MLLT6: variants seen among roughly 807,000 people sequenced by gnomAD.
MLLT6 encodes protein AF-17.
Under a neutral mutation model 103.0 loss-of-function variants are expected in MLLT6, and 22 were observed. That is an observed-to-expected ratio of 0.21 (90% confidence interval 0.15 to 0.31). MLLT6 has a LOEUF of 0.31. Among genes scored for constraint, MLLT6 ranks in the 10% least tolerant of loss-of-function variants. The pLI is 1.00. For synonymous variants in MLLT6, 606 were observed against 623.5 expected, an observed-to-expected ratio of 0.97 and a Z score of 0.42; for missense variants, 1,199 against 1,441.7, an observed-to-expected ratio of 0.83 and a Z score of 2.73.
Position 38,717,842 on chromosome 17 carries a change from T to C in MLLT6, c.1834-3T>C, listed in dbSNP as rs201263937. ...GCCAGGGGATTCTACCTCCCTCCCT[T>C]AGGTGTTTTCTCTGGCTGGCTCTAC... On this transcript the variant is annotated splice_region_variant and splice_polypyrimidine_tract_variant and intron_variant, in intron 11 of 19. Transcript: ENST00000621332. The C allele has an allele frequency of 6.2e-6, 10 of 1,605,480 alleles. No homozygotes were observed. Among genetic ancestry groups the C allele is most frequent in the Admixed American group, 5.0e-5 (3 of 59,968 alleles).
Position 38,707,101 on chromosome 17 carries a change from G to T in MLLT6, c.189+72G>T, listed in dbSNP as rs1432971153. 6.7e-6 allele frequency: 9 copies of T among 1,352,112 alleles called. No individual in the cohort carries two copies. Among genetic ancestry groups the T allele is most frequent in the Non-Finnish European group, 8.3e-6 (8 of 968,502 alleles). The allele number at this position is 1,352,112 out of a possible 1,614,324, so 83.8% of individuals were successfully genotyped here. A position where few individuals can be genotyped will look rare whatever the true frequency, so the allele number is the denominator to read the frequency against. ...CCTGAGCGTCTCAGGTTGAGCTAGG[G>T]GACTCTGAGGCCGAGGCTAGGGTGG... On this transcript the variant is annotated intron_variant, in intron 2 of 19. Coordinates refer to ENST00000621332, the MANE Select transcript of MLLT6 (RefSeq NM_005937.4).
In MLLT6 at chr17:38,725,613, C is replaced by G; in HGVS notation, c.*15C>G. 1 of 1,574,258 alleles carries G rather than the reference C, an allele frequency of 6.4e-7. No individual in the cohort carries two copies. Among genetic ancestry groups the G allele is most frequent in the Non-Finnish European group, 8.6e-7 (1 of 1,166,232 alleles). On this transcript the variant is annotated 3_prime_UTR_variant, in exon 20 of 20. Transcript: ENST00000621332. ...AAAAAGGCTAAATCCACCCTTACCC[C>G]TCCTGACCCCCCCAAGTGGAGGGAA...
chr17:38,706,139 T>C (rs1054954155), intron 1 of MLLT6: 2 of 152,378 alleles, frequency 1.3e-5, no homozygotes, highest in African/African-American at 4.8e-5. Flanking sequence ...CCCCCTCGCT[T>C]CCGGATAATG....
Position 38,717,900 on chromosome 17 carries a change from C to T in MLLT6, c.1889C>T (p.Thr630Ile). 6.2e-7 allele frequency: 1 copy of T among 1,614,026 alleles called. No homozygotes were observed. The highest frequency in any genetic ancestry group is 1.1e-5 in the South Asian group (1 of 91,078). ...CTCCCTTCTACCCACATCTTTGGAA[C>T]CCCCATGGGTGCCGTTAATCCCCTC... The part of the protein sequence containing the change: ...FSLPSTHIFG[T>I]PMGAVNPLLS... Residue 630 changes from threonine to isoleucine, a missense_variant, in exon 12 of 20, where the codon ACC becomes ATC. Thr to Ile is a moderately conservative substitution (Grantham distance 89, BLOSUM62 -1). Coordinates refer to ENST00000621332, the MANE Select transcript of MLLT6 (RefSeq NM_005937.4).
Position 38,709,187 on chromosome 17 carries a change from C to T in MLLT6, c.369C>T (p.Cys123=), listed in dbSNP as rs1156858391. The T allele has an allele frequency of 1.1e-5, 18 of 1,610,994 alleles. No homozygotes were observed. The Admixed American group carries it at 1.4e-4, about 12-fold the overall frequency. Residue 123 remains cysteine (C), a synonymous_variant, in exon 5 of 20, where the codon TGC becomes TGT. Transcript: ENST00000621332. This position sits in a 1 kb window ranked among gnomAD's most constrained non-coding sequence, Gnocchi z 4.3. ...GTGTCCTGCAGACCTGTTACATCTG[C>T]GAGGAGCAGGGCCGGGAGAGCAAGG... ...HDRFNKTCYI[C]EEQGRESKAA... is the part of the protein sequence containing the mutation.
intron 9 of MLLT6, 164 bp downstream of exon 9, chr17:38,715,992 T>C (rs1466525206): frequency 1.5e-6 from 1 of 684,840 alleles, no homozygotes; most frequent in Admixed American, 2.9e-5. Flanking sequence ...CCCCAAACCC[T>C]TCCTTCTTGA....
At chr17:38,708,225 C>A in intron 4 of MLLT6, 1 of 262,332 alleles carries the variant, frequency 3.8e-6, no homozygotes. Context: ...GTGTGCTGCC[C>A]GCTCAATGGA....
rs1906121813 is a variant in MLLT6, at chr17:38,727,922, G to GT, written c.*2325dup. 1 of 233,174 alleles carries GT rather than the reference G, an allele frequency of 4.3e-6. No homozygotes were observed. Among genetic ancestry groups the GT allele is most frequent in the African/African-American group, 2.2e-5 (1 of 45,348 alleles). The allele number at this position is 233,174 out of a possible 1,614,324, so 14.4% of individuals were successfully genotyped here. Reference sequence around the variant, plus strand: ...AACTTTTGTCTGGATGGGAAGAGAAGTAAGTCTACCCCGAGGTTGCCATGT... The same window carrying GT: ...AACTTTTGTCTGGATGGGAAGAGAAGTTAAGTCTACCCCGAGGTTGCCATGT... On this transcript the variant is annotated 3_prime_UTR_variant, in exon 20 of 20. Coordinates refer to ENST00000621332, the MANE Select transcript of MLLT6 (RefSeq NM_005937.4).
chr17:38,725,250 T>C lies in MLLT6; in HGVS notation c.3240+274T>C. ...GACCAATTAGAAAAAGCCATTTTGT[T>C]TCTCATCCGACCAATTAGAAAAAGA... is the stretch of plus-strand genomic sequence containing the variant. On this transcript the variant is annotated intron_variant, in intron 19 of 19. Transcript: ENST00000621332. The C allele has an allele frequency of 5.6e-6, 3 of 531,820 alleles. No homozygotes were observed. In the Admixed American group the frequency reaches 1.1e-4, roughly 20 times the overall value. The allele number at this position is 531,820 out of a possible 1,614,324, so 32.9% of individuals were successfully genotyped here. A position where few individuals can be genotyped will look rare whatever the true frequency, so the allele number is the denominator to read the frequency against.
chr17:38,726,926 C>T lies in MLLT6; in HGVS notation c.*1328C>T. On this transcript the variant is annotated 3_prime_UTR_variant, in exon 20 of 20. Coordinates refer to ENST00000621332, the MANE Select transcript of MLLT6 (RefSeq NM_005937.4). ...GGGCAATTCTCACCTTCAAAGAGTCCCCGCCTGCCCAGGCCTTTGGCACAG... is the reference window on the plus strand; with the variant it reads ...GGGCAATTCTCACCTTCAAAGAGTCTCCGCCTGCCCAGGCCTTTGGCACAG... 1 of 233,794 alleles carries T rather than the reference C, an allele frequency of 4.3e-6. No homozygotes were observed. The highest frequency in any genetic ancestry group is 6.0e-5 in the East Asian group (1 of 16,590). The allele number at this position is 233,794 out of a possible 1,614,324, so 14.5% of individuals were successfully genotyped here. A position where few individuals can be genotyped will look rare whatever the true frequency, so the allele number is the denominator to read the frequency against.
rs1029520596 is a variant in MLLT6, at chr17:38,716,061, T to C, written c.1036+233T>C. 7 of 605,018 alleles carry C rather than the reference T, an allele frequency of 1.2e-5. No homozygotes were observed. The highest frequency in any genetic ancestry group is 3.7e-5 in the African/African-American group (2 of 54,016). 37.5% of individuals were successfully genotyped at this position (605,018 alleles called of 1,614,324 possible). A position where few individuals can be genotyped will look rare whatever the true frequency, so the allele number is the denominator to read the frequency against. The stretch of plus-strand genomic sequence containing the variant: ...CCACCAACCTCATAACAGTATTCCT[T>C]ATCCCCTACATTTGTGCTGCAAGGT... On this transcript the variant is annotated intron_variant, in intron 9 of 19. Transcript: ENST00000621332. The surrounding 1 kb of genome is among the most constrained non-coding windows in gnomAD (Gnocchi z 5.6).
intron 16 of MLLT6, chr17:38,721,026 G>C: frequency 1.9e-6 from 1 of 539,432 alleles, no homozygotes; most frequent in Non-Finnish European, 3.3e-6. Context: ...AGATATGTTA[G>C]TGTGGAGAGA....
chr17:38,720,290 T>G (rs1905640258), intron 14 of MLLT6, 82 bp from the exon 15 acceptor site: 1 of 1,309,698 alleles, frequency 7.6e-7, no homozygotes, highest in East Asian at 2.5e-5. Flanking sequence ...GAGCACTGGC[T>G]CCCCTCCAGG....
rs867583887 is a variant in MLLT6 at position 38,716,130 on chromosome 17, C to A, written c.1037-237C>A. ...CCATTAACATTTTCTCCTATAATCGCTACAGTCATCTGGTGAGGCCAGTAG... is the reference window on the plus strand; with the variant it reads ...CCATTAACATTTTCTCCTATAATCGATACAGTCATCTGGTGAGGCCAGTAG... On this transcript the variant is annotated intron_variant, in intron 9 of 19. Transcript: ENST00000621332. The surrounding 1 kb of genome is among the most constrained non-coding windows in gnomAD (Gnocchi z 5.6). 1.2e-5 allele frequency: 7 copies of A among 601,306 alleles called. No homozygotes were observed. The South Asian group carries it at 1.5e-4, about 13-fold the overall frequency. 37.2% of individuals were successfully genotyped at this position (601,306 alleles called of 1,614,324 possible).
rs1184037703 is a variant in MLLT6, at chr17:38,722,667, C to T, written c.2793-11C>T. On this transcript the variant is annotated splice_polypyrimidine_tract_variant and intron_variant, in intron 17 of 19. Coordinates refer to ENST00000621332, the MANE Select transcript of MLLT6 (RefSeq NM_005937.4). ...GTGTTGTCCCCCCCCCACCCCCCAC[C>T]CCCACCTCAGCCTTACAGAGCAGCA... 3 of 628,934 alleles carry T rather than the reference C, an allele frequency of 4.8e-6. No homozygotes were observed. The highest frequency in any genetic ancestry group is 1.9e-5 in the African/African-American group (1 of 51,748). 39.0% of individuals were successfully genotyped at this position (628,934 alleles called of 1,614,324 possible). A position where few individuals can be genotyped will look rare whatever the true frequency, so the allele number is the denominator to read the frequency against.
chr17:38,722,073 A>T lies in MLLT6; in HGVS notation c.2638A>T (p.Met880Leu). The T allele has an allele frequency of 1.4e-6, 2 of 1,379,544 alleles. No homozygotes were observed. Among genetic ancestry groups the T allele is most frequent in the Non-Finnish European group, 1.9e-6 (2 of 1,071,016 alleles). The allele number at this position is 1,379,544 out of a possible 1,614,324, so 85.5% of individuals were successfully genotyped here. A position where few individuals can be genotyped will look rare whatever the true frequency, so the allele number is the denominator to read the frequency against. ...PGAAGLGAMP[M>L]AEGLLGGLAG... ...GGCAGCGGGGCTGGGGGCCATGCCCATGGCTGAGGGGCTGTTGGGGGGGCT... is the reference window on the plus strand; with the variant it reads ...GGCAGCGGGGCTGGGGGCCATGCCCTTGGCTGAGGGGCTGTTGGGGGGGCT... Residue 880 changes from methionine (M) to leucine (L), a missense_variant, in exon 17 of 20, where the codon ATG (methionine) becomes TTG (leucine). Met to Leu is a conservative substitution (Grantham distance 15). This residue lies in a region of MLLT6 where 1,034 missense variants were observed against 1,091.5 expected (regional missense o/e 0.95). Coordinates refer to ENST00000621332, the MANE Select transcript of MLLT6 (RefSeq NM_005937.4).
rs935768496 is a variant in MLLT6, at chr17:38,716,438, T to C, written c.1108T>C (p.Ser370Pro). 1 of 1,613,832 alleles carries C rather than the reference T, an allele frequency of 6.2e-7. No individual in the cohort carries two copies. Among genetic ancestry groups the C allele is most frequent in the Non-Finnish European group, 8.5e-7 (1 of 1,179,872 alleles). Residue 370 changes from serine to proline, a missense_variant, in exon 10 of 20, where the codon TCC becomes CCC. Coordinates refer to ENST00000621332, the MANE Select transcript of MLLT6 (RefSeq NM_005937.4). The surrounding 1 kb of genome is among the most constrained non-coding windows in gnomAD (Gnocchi z 5.6). ...GGAGCAGCCAGAGGAGGACAAGTAC[T>C]CCAAGCCCACAGCCCCCGCCCCTTC... ...KLEQPEEDKYSKPTAPAPSAP... is the reference protein window; with the variant it reads ...KLEQPEEDKYPKPTAPAPSAP...
At position 38,724,751 on chromosome 17, in the gene MLLT6, G is replaced by C; in HGVS notation, c.3015G>C (p.Leu1005=). ...TGGCAGGAAGCTCCACCCCGCTGCT[G>C]TCTGCGGGTACCCCTGGCCTGCTGC... ...SLLAGSSTPL[L]SAGTPGLLPT... is the part of the protein sequence containing the mutation. Residue 1005 remains leucine, a synonymous_variant, in exon 19 of 20, where the codon CTG becomes CTC. Coordinates refer to ENST00000621332, the MANE Select transcript of MLLT6 (RefSeq NM_005937.4). The surrounding 1 kb of genome is among the most constrained non-coding windows in gnomAD (Gnocchi z 5.4). 2 of 1,609,864 alleles carry C rather than the reference G, an allele frequency of 1.2e-6. No individual in the cohort carries two copies. The highest frequency in any genetic ancestry group is 1.7e-6 in the Non-Finnish European group (2 of 1,178,428).
intron 4 of MLLT6, chr17:38,708,965 C>T (rs552440443): frequency 9.1e-6 from 5 of 548,224 alleles, no homozygotes; most frequent in African/African-American, 7.7e-5. Flanking sequence ...TCACGCTAGC[C>T]ATAGTTCAAG....
Sources: allele counts gnomAD v4.1 joint callset, GRCh38; gene constraint gnomAD v4.1.1; regional missense constraint gnomAD v4.1.1; non-coding constraint Gnocchi (gnomAD v3.1); transcripts MANE v1.5; gene names NCBI Gene and HGNC (gene_info 2026-07-23, HGNC 2026-07-21).